SLC25A41: variants seen among roughly 807,000 people sequenced by gnomAD.
SLC25A41 encodes solute carrier family 25 member 41.
A neutral mutation model predicts 34.7 loss-of-function variants in SLC25A41; 35 were observed. The ratio of observed to expected loss-of-function variants is 1.01; its 90% CI spans 0.77 to 1.34. The LOEUF (loss-of-function observed/expected upper bound fraction) is 1.34, where lower values mean the gene tolerates loss of function less well. SLC25A41 is among the 40% of genes most tolerant of loss of function. The pLI, the probability that SLC25A41 is intolerant of heterozygous loss-of-function variation, is 0.00. For missense variants in SLC25A41, 492 were observed against 489.8 expected (o/e 1.00, Z -0.04); for synonymous variants, 190 against 209.9 (o/e 0.91, Z 0.82).
At chr19:6,426,652 G>C in intron 6 of SLC25A41, 91 bp from the exon 7 acceptor site, 3 of 1,467,788 alleles carry the variant, frequency 2.0e-6, no homozygotes, top group Non-Finnish European at 2.8e-6. Context: ...TGAAGCCACG[G>C]GTAGGGGCCC....
intron 2 of SLC25A41, chr19:6,430,522 C>G: frequency 2.5e-6 from 1 of 392,346 alleles, no homozygotes; most frequent in Non-Finnish European, 4.8e-6. Flanking sequence ...GAGTCTCACT[C>G]TGTCGCCCAG....
chr19:6,427,230 C>T lies in SLC25A41; in HGVS notation c.813G>A (p.Val271=), dbSNP rs1382853347. ...GGTCCCCCATATCCCTGCCTGACTT[C>T]ACCCAGAAGCACTGGAGCATCTGCA... ...AVYEMLQCFW[V]KSGRDMGDPS... The change falls in exon 6 of 7, where the codon GTG becomes GTA. Residue 271 remains valine, a synonymous_variant. Coordinates refer to ENST00000321510, the MANE Select transcript of SLC25A41 (RefSeq NM_173637.4). This position sits in a 1 kb window ranked among gnomAD's most constrained non-coding sequence, Gnocchi z 4.9. The T allele has an allele frequency of 3.1e-6, 5 of 1,612,738 alleles. No individual in the cohort carries two copies. The highest frequency in any genetic ancestry group is 4.2e-6 in the Non-Finnish European group (5 of 1,179,802).
rs1194985381 is a variant in SLC25A41, at chr19:6,430,098, C to T, written c.427G>A (p.Gly143Ser). The T allele has an allele frequency of 6.2e-7, 1 of 1,613,464 alleles. No individual in the cohort carries two copies. The highest frequency in any genetic ancestry group is 8.5e-7 in the Non-Finnish European group (1 of 1,179,714). ...CCCCGCCACAGGGAGCGGAAGCCGC[C>T]CTCCTGGACCATGCTCTGTAGCCCC... Reference protein sequence around the residue: ...LGGLQSMVQEGGFRSLWRGNG... With the variant: ...LGGLQSMVQESGFRSLWRGNG... The change falls in exon 3 of 7, where the codon GGC becomes AGC. Residue 143 changes from glycine to serine, a missense_variant. Gly to Ser is a moderately conservative substitution (Grantham distance 56). Transcript: ENST00000321510.
At chr19:6,431,961 C>T (rs1452714018) in intron 2 of SLC25A41, 88 bp downstream of exon 2, 2 of 1,491,276 alleles carry the variant, frequency 1.3e-6, no homozygotes, top group Admixed American at 2.1e-5. Flanking sequence ...TCCTGAACTC[C>T]ATCCACGTCA....
upstream of SLC25A41, among the ~76,000 whole-genome samples, chr19:6,434,857 C>T (rs1435809642): frequency 2.0e-5 from 3 of 151,948 alleles, no homozygotes; most frequent in African/African-American, 7.3e-5. Context: ...TGCAGTGGGC[C>T]GAGATTGAGC....
At chr19:6,429,661 C>T in intron 4 of SLC25A41, 63 bp downstream of exon 4, 1 of 1,252,572 alleles carries the variant, frequency 8.0e-7, no homozygotes, top group Non-Finnish European at 1.1e-6. Context: ...GGAAGTAGCC[C>T]CAGCAACGTG....
chr19:6,434,860 G>A (rs2092301561), upstream of SLC25A41, among the ~76,000 whole-genome samples: 1 of 152,026 alleles, frequency 6.6e-6, no homozygotes, highest in Admixed American at 6.6e-5. Context: ...AGTGGGCCGA[G>A]ATTGAGCCAT....
At chr19:6,435,239 A>G (rs867231892), upstream of SLC25A41, among the ~76,000 whole-genome samples, 10 of 124,346 alleles carry the variant, frequency 8.0e-5, no homozygotes, top group African/African-American at 3.4e-4. Context: ...AAAAAAAAAG[A>G]AAAAAAAAAA....
Position 6,433,707 on chromosome 19 carries a change from AC to A in SLC25A41, c.-15del. The A allele has an allele frequency of 6.5e-7, 1 of 1,528,868 alleles. No individual in the cohort carries two copies. Among genetic ancestry groups the A allele is most frequent in the Non-Finnish European group, 8.8e-7 (1 of 1,134,196 alleles). The allele number at this position is 1,528,868 out of a possible 1,614,324, so 94.7% of individuals were successfully genotyped here. ...CTGAGCGCCCATGGAGGAAGTTAGG[AC>A]ACCTGGCTTCAAATCCCTAAGCAGT... On this transcript the variant is annotated 5_prime_UTR_variant, in exon 1 of 7. Coordinates refer to ENST00000321510, the MANE Select transcript of SLC25A41 (RefSeq NM_173637.4).
chr19:6,435,368 C>G (rs917558141), upstream of SLC25A41, among the ~76,000 whole-genome samples: 8 of 152,100 alleles, frequency 5.3e-5, no homozygotes, highest in African/African-American at 1.9e-4. Context: ...GGTTCTCCCA[C>G]TTCAGCCACC....
At chr19:6,433,343 C>T (rs910968544) in intron 1 of SLC25A41, 144 bp downstream of exon 1, 8 of 801,916 alleles carry the variant, frequency 1.0e-5, no homozygotes, top group African/African-American at 3.4e-5. Context: ...AGCCATCGCG[C>T]CCTGCCTCCC....
At chr19:6,436,167 A>G (rs911519978), upstream of SLC25A41, 13 of 223,920 alleles carry the variant, frequency 5.8e-5, no homozygotes, top group African/African-American at 1.3e-4. Context: ...CACAACAAAC[A>G]TTTATCATCT....
rs201695455 is a variant in SLC25A41, at chr19:6,427,398, C to T, written c.728G>A (p.Arg243His). 3.6e-4 allele frequency: 579 copies of T among 1,611,342 alleles called. 4 individuals are homozygous for T. The African/African-American group carries it at 6.6e-3, about 18-fold the overall frequency. ...LQREGTRALY[R>H]GYLPNMLGII... ...GCCGAGCATATTGGGCAGGTAGCCGCGGTAAAGGGCGCGGGTGCCCTCTCG... is the reference window on the plus strand; with the variant it reads ...GCCGAGCATATTGGGCAGGTAGCCGTGGTAAAGGGCGCGGGTGCCCTCTCG... Residue 243 changes from arginine to histidine, a missense_variant, in exon 5 of 7, where the codon CGC (arginine) becomes CAC (histidine). By Grantham distance (29) the Arg-to-His change is conservative (BLOSUM62 0). Transcript: ENST00000321510. The surrounding 1 kb of genome is among the most constrained non-coding windows in gnomAD (Gnocchi z 4.9).
intron 4 of SLC25A41, among the ~76,000 whole-genome samples, chr19:6,429,437 G>GAAAGA (rs1200696047): frequency 9.3e-6 from 1 of 107,558 alleles, no homozygotes; most frequent in African/African-American, 3.5e-5. Context: ...GAAAGGAGGA[G>GAAAGA]GGAAGGAGGA....
intron 2 of SLC25A41, chr19:6,430,540 T>C (rs983366408): frequency 1.5e-5 from 6 of 390,248 alleles, no homozygotes; most frequent in South Asian, 1.1e-4. Context: ...CAGGCTGGAG[T>C]GCGGTCGGGG....
Position 6,427,370 on chromosome 19 carries a change from G to A in SLC25A41, c.756C>T (p.Ile252=). 6.2e-7 allele frequency: 1 copy of A among 1,611,620 alleles called. No individual in the cohort carries two copies. The change falls in exon 5 of 7, where the codon ATC becomes ATT. Residue 252 remains isoleucine (I), a synonymous_variant. Transcript: ENST00000321510. The surrounding 1 kb of genome is among the most constrained non-coding windows in gnomAD (Gnocchi z 4.9). ...CCAGGTCGGTGCAGGCATAGGGGATGATGCCGAGCATATTGGGCAGGTAGC... is the reference window on the plus strand; with the variant it reads ...CCAGGTCGGTGCAGGCATAGGGGATAATGCCGAGCATATTGGGCAGGTAGC... The part of the protein sequence containing the change: ...YRGYLPNMLG[I]IPYACTDLAV...
rs1167957620 is a variant in SLC25A41 at position 6,429,116 on chromosome 19, ATAT to A, written c.624+605_624+607del. Among the ~76,000 whole-genome samples the A allele has an allele frequency of 3.3e-4, 21 of 63,336 alleles. 1 individual carries two copies. The highest frequency in any genetic ancestry group is 1.8e-3 in the African/African-American group (20 of 11,054). 41.6% of individuals were successfully genotyped at this position (63,336 alleles called of 152,430 possible). On this transcript the variant is annotated intron_variant, in intron 4 of 6. Coordinates refer to ENST00000321510, the MANE Select transcript of SLC25A41 (RefSeq NM_173637.4). ...TATGTTACATATATATATAATATATATATTATATATATGTTATATATATATATA... is the reference window on the plus strand; with the variant it reads ...TATGTTACATATATATATAATATATATATATATATGTTATATATATATATA...
At chr19:6,431,507 T>G (rs1246419688) in intron 2 of SLC25A41, among the ~76,000 whole-genome samples, 1 of 150,732 alleles carries the variant, frequency 6.6e-6, no homozygotes, top group Non-Finnish European at 1.5e-5. Context: ...TGATGCAATC[T>G]CGGCTCACTG....
Position 6,426,301 on chromosome 19 carries a change from C to T in SLC25A41, c.*88G>A. 8.9e-7 allele frequency: 1 copy of T among 1,128,260 alleles called. No homozygotes were observed. 69.9% of individuals were successfully genotyped at this position (1,128,260 alleles called of 1,614,324 possible). ...ACCAAAAACTGCCCCAGGGCCTGAA[C>T]CTTGAGGCCTCGAGGGCTCTTTGGG... On this transcript the variant is annotated 3_prime_UTR_variant, in exon 7 of 7. Coordinates refer to ENST00000321510, the MANE Select transcript of SLC25A41 (RefSeq NM_173637.4).
Sources: gnomAD v4.1 joint callset for allele counts (sites outside exome capture counted in the v4.1 genomes callset) on GRCh38, gnomAD v4.1.1 for gene constraint, Gnocchi (gnomAD v3.1) non-coding constraint, MANE v1.5 for transcripts, NCBI Gene and HGNC (gene_info 2026-07-23, HGNC 2026-07-21) for gene names.